Variants in CHMP3 observed in about 807,000 individuals in gnomAD.
The protein encoded by CHMP3 is 25.1 protein.
A neutral mutation model predicts 27.4 loss-of-function variants in CHMP3; 8 were observed. The observed-to-expected ratio is 0.29, with a 90% CI of 0.17 to 0.53. CHMP3 has a LOEUF of 0.53. Ranked by LOEUF, CHMP3 falls within the 20% of genes least tolerant of loss-of-function variation. The pLI, the probability that CHMP3 is intolerant of heterozygous loss-of-function variation, is 0.96. For missense variants in CHMP3, 208 were observed against 271.5 expected (o/e 0.77, Z 1.64); for synonymous variants, 86 against 85.5 (o/e 1.01, Z -0.03).
intron 1 of CHMP3, among the ~76,000 whole-genome samples, chr2:86,558,012 G>C (rs1033905437): frequency 1.3e-5 from 2 of 151,988 alleles, no homozygotes; most frequent in Admixed American, 6.6e-5. Context: ...TTTTCTGATA[G>C]AATCCCACAA....
chr2:86,537,080 G>A (rs1191810558), intron 2 of CHMP3, among the ~76,000 whole-genome samples: 1 of 152,040 alleles, frequency 6.6e-6, no homozygotes, highest in Non-Finnish European at 1.5e-5. Context: ...GCCCAGGCTG[G>A]TCTCAAACTC....
intron 1 of CHMP3, among the ~76,000 whole-genome samples, chr2:86,555,410 G>A (rs1352136967): frequency 2.6e-5 from 4 of 151,580 alleles, no homozygotes; most frequent in African/African-American, 9.7e-5. Context: ...AAACATAAAT[G>A]AGAATCAACT....
intron 1 of CHMP3, among the ~76,000 whole-genome samples, chr2:86,543,241 T>C (rs1341271111): frequency 6.6e-6 from 1 of 152,230 alleles, no homozygotes; most frequent in Non-Finnish European, 1.5e-5. Context: ...CATTAGAAGA[T>C]GAATTTCCAA....
intron 2 of CHMP3, among the ~76,000 whole-genome samples, chr2:86,534,196 C>CTTTTTTTTTTTTTTTTTTTT (rs33977886): frequency 1.5e-5 from 1 of 66,902 alleles, no homozygotes; most frequent in Non-Finnish European, 2.7e-5. Context: ...TGCTTTATTT[C>CTTTTTTTTTTTTTTTTTTTT]TTTTTTTTTT....
intron 3 of CHMP3, among the ~76,000 whole-genome samples, chr2:86,515,792 T>C (rs1675277023): frequency 6.6e-6 from 1 of 152,260 alleles, no homozygotes; most frequent in South Asian, 2.1e-4. Context: ...AGATTTAGTA[T>C]TGGGTCAGAA....
chr2:86,532,918 A>C lies in CHMP3; in HGVS notation c.107-3521T>G, dbSNP rs143836905. On this transcript the variant is annotated intron_variant, in intron 2 of 5. Transcript: ENST00000263856. ...TCTTGCAGCATCTTTGTCTGATATG[A>C]TATCAGGACAATACTGGCAACATAG... 3.3e-3 allele frequency among the ~76,000 whole-genome samples: 498 copies of C among 152,324 alleles called. 4 individuals carry two copies. The highest frequency in any genetic ancestry group is 0.011 in the African/African-American group (450 of 41,576).
intron 3 of CHMP3, among the ~76,000 whole-genome samples, chr2:86,520,701 G>C (rs1466778298): frequency 6.6e-6 from 1 of 152,160 alleles, no homozygotes; most frequent in Non-Finnish European, 1.5e-5. Flanking sequence ...TCCATACCTT[G>C]CAAATTCATT....
At chr2:86,552,900 C>G (rs1232480764) in intron 1 of CHMP3, among the ~76,000 whole-genome samples, 1 of 152,060 alleles carries the variant, frequency 6.6e-6, no homozygotes, top group East Asian at 1.9e-4. Context: ...CAAACTAATG[C>G]AGGATCAGAA....
chr2:86,517,012 G>A (rs1675333450), intron 3 of CHMP3, among the ~76,000 whole-genome samples: 1 of 152,036 alleles, frequency 6.6e-6, no homozygotes. Flanking sequence ...TACTATCGGG[G>A]GAAACTAGGT....
In CHMP3 at chr2:86,545,862, G is replaced by A. The variant is rs548503541; in HGVS notation, c.46-3550C>T. On this transcript the variant is annotated intron_variant, in intron 1 of 5. Transcript: ENST00000263856. ...CCAGACAGGGCGGCAGGGCAGAGGC[G>A]CTCCTCACTTCCCAGACAGGGCGGC... Among the ~76,000 whole-genome samples the A allele has an allele frequency of 7.0e-4, 105 of 150,770 alleles. No homozygotes were observed. The South Asian group carries it at 0.02, about 28-fold the overall frequency.
Position 86,529,367 on chromosome 2 carries a change from C to T in CHMP3, c.137G>A (p.Arg46Gln), listed in dbSNP as rs747374601. The change falls in exon 3 of 6, where the codon CGA becomes CAA. Residue 46 changes from arginine (R) to glutamine (Q), a missense_variant. Around this residue, in one of 3 missense-constraint regions of CHMP3, gnomAD observed 94 missense variants for 159.6 expected, o/e 0.59. Transcript: ENST00000263856. ...DIQREEEKVK[R>Q]SVKDAAKKGQ... ...CTTCTTGGCAGCATCTTTCACAGAT[C>T]GTTTCACTTTTTCTTCTTCTCTTTG... The T allele has an allele frequency of 5.6e-6, 9 of 1,601,404 alleles. No homozygotes were observed. The highest frequency in any genetic ancestry group is 7.7e-6 in the Non-Finnish European group (9 of 1,175,842).
At chr2:86,556,556 T>G (rs1178819630) in intron 1 of CHMP3, among the ~76,000 whole-genome samples, 1 of 152,180 alleles carries the variant, frequency 6.6e-6, no homozygotes, top group African/African-American at 2.4e-5. Context: ...CAGATTCTCT[T>G]ACCTGGGAGA....
rs76259997 is a variant in CHMP3 at position 86,540,120 on chromosome 2, C to T, written c.106+2132G>A. On this transcript the variant is annotated intron_variant, in intron 2 of 5. Transcript: ENST00000263856. ...TTGTCTTTTTGGGGGGTTATCTTTT[C>T]GGTTTTCAGTAATCTTTTTGGTTTT... 8.8e-3 allele frequency among the ~76,000 whole-genome samples: 1,343 copies of T among 151,988 alleles called. 25 individuals carry two copies. The highest frequency in any genetic ancestry group is 0.03 in the African/African-American group (1,242 of 41,476).
rs1674840422 is a variant in CHMP3, at chr2:86,505,135, C to G, written c.*669G>C. The stretch of plus-strand genomic sequence containing the variant: ...AGCTGTCTCATCTGGGTGCAACTTG[C>G]AATGGGAAGGAAGGGACAGAAGCTC... On this transcript the variant is annotated 3_prime_UTR_variant, in exon 6 of 6. Coordinates refer to ENST00000263856, the MANE Select transcript of CHMP3 (RefSeq NM_016079.4). 1 of 152,532 alleles carries G rather than the reference C, an allele frequency of 6.6e-6. No homozygotes were observed. Among genetic ancestry groups the G allele is most frequent in the Non-Finnish European group, 1.5e-5 (1 of 68,150 alleles). 9.4% of individuals were successfully genotyped at this position (152,532 alleles called of 1,614,324 possible).
intron 1 of CHMP3, among the ~76,000 whole-genome samples, chr2:86,554,236 T>C (rs916577685): frequency 6.6e-6 from 1 of 152,240 alleles, no homozygotes; most frequent in African/African-American, 2.4e-5. Flanking sequence ...CTATTGTTTA[T>C]AAATTACTCA....
chr2:86,510,068 G>A (rs1675038783), intron 4 of CHMP3, among the ~76,000 whole-genome samples: 1 of 152,090 alleles, frequency 6.6e-6, no homozygotes, highest in Admixed American at 6.6e-5. Flanking sequence ...GTTGGACCCT[G>A]CAAACTTTAT....
intron 1 of CHMP3, among the ~76,000 whole-genome samples, chr2:86,550,966 G>C (rs1436100483): frequency 6.6e-6 from 1 of 151,960 alleles, no homozygotes; most frequent in Non-Finnish European, 1.5e-5. Context: ...ATGGGCGGAG[G>C]GACCCTGGAA....
intron 1 of CHMP3, among the ~76,000 whole-genome samples, chr2:86,549,240 G>T (rs1218968791): frequency 1.4e-5 from 2 of 141,228 alleles, no homozygotes; most frequent in African/African-American, 5.4e-5. Flanking sequence ...GGGCAGAGGC[G>T]CTCCTCGCCT....
chr2:86,522,372 C>G (rs1447578305), intron 3 of CHMP3, among the ~76,000 whole-genome samples: 1 of 152,166 alleles, frequency 6.6e-6, no homozygotes, highest in Non-Finnish European at 1.5e-5. Flanking sequence ...CTCGTACCTA[C>G]TCTGCTGTAT....
Sources: gnomAD v4.1 joint callset for allele counts (sites outside exome capture counted in the v4.1 genomes callset) on GRCh38, gnomAD v4.1.1 for gene constraint, gnomAD v4.1.1 regional missense constraint, MANE v1.5 for transcripts, NCBI Gene and HGNC (gene_info 2026-07-23, HGNC 2026-07-21) for gene names.